SH3RF1: variants seen among roughly 807,000 people sequenced by gnomAD.
SH3RF1 encodes E3 ubiquitin-protein ligase SH3RF1.
A neutral mutation model predicts 74.0 loss-of-function variants in SH3RF1; 32 were observed. The ratio of observed to expected loss-of-function variants is 0.43; its 90% CI spans 0.33 to 0.58. The LOEUF is 0.58. Ranked by LOEUF, SH3RF1 falls within the 20% of genes least tolerant of loss-of-function variation. The pLI is 0.05. For missense variants in SH3RF1, 954 were observed against 1,130.9 expected, an observed-to-expected ratio of 0.84 and a Z score of 2.24; for synonymous variants, 396 against 439.6, an observed-to-expected ratio of 0.90 and a Z score of 1.24.
At chr4:169,213,703 G>A (rs899901873) in intron 2 of SH3RF1, among the ~76,000 whole-genome samples, 4 of 152,150 alleles carry the variant, frequency 2.6e-5, no homozygotes, top group Admixed American at 1.3e-4. Flanking sequence ...AGAGTATAAC[G>A]TCTGTTTCTA....
intron 6 of SH3RF1, among the ~76,000 whole-genome samples, chr4:169,128,155 G>A (rs1478923267): frequency 1.3e-5 from 2 of 152,124 alleles, no homozygotes; most frequent in African/African-American, 4.8e-5. Context: ...ATCATGCAAG[G>A]CACTCATCTG....
chr4:169,103,638 C>T (rs13114954), intron 11 of SH3RF1, among the ~76,000 whole-genome samples: 14,536 of 152,098 alleles, frequency 0.096, 913 homozygotes, highest in South Asian at 0.17. Context: ...ACTTTCATTC[C>T]CAGTGAATAA....
chr4:169,196,432 GGTAACGAT>G (rs1734812756), intron 2 of SH3RF1, among the ~76,000 whole-genome samples: 1 of 152,192 alleles, frequency 6.6e-6, no homozygotes, highest in African/African-American at 2.4e-5. Context: ...GACAATGTTA[GGTAACGAT>G]GTACTATATT....
intron 2 of SH3RF1, among the ~76,000 whole-genome samples, chr4:169,187,615 T>C (rs531898175): frequency 1.3e-5 from 2 of 151,444 alleles, no homozygotes; most frequent in South Asian, 4.2e-4. Context: ...ACTAGAATAA[T>C]CTCCAATAAC....
intron 2 of SH3RF1, among the ~76,000 whole-genome samples, chr4:169,215,316 G>A (rs931497375): frequency 6.6e-6 from 1 of 152,144 alleles, no homozygotes; most frequent in African/African-American, 2.4e-5. Flanking sequence ...TTTGGTCATT[G>A]TGTATAATTC....
intron 2 of SH3RF1, among the ~76,000 whole-genome samples, chr4:169,232,346 C>T (rs1470557578): frequency 6.6e-6 from 1 of 152,184 alleles, no homozygotes; most frequent in Admixed American, 6.5e-5. Context: ...AGTCAGTGAG[C>T]TTTGTGTTTT....
intron 4 of SH3RF1, among the ~76,000 whole-genome samples, chr4:169,144,964 A>G (rs1191577402): frequency 6.6e-6 from 1 of 152,194 alleles, no homozygotes; most frequent in Non-Finnish European, 1.5e-5. Context: ...AGAATCCACA[A>G]GAAGACCTTG....
chr4:169,234,716 C>T (rs72987052), intron 2 of SH3RF1, among the ~76,000 whole-genome samples: 1 of 152,280 alleles, frequency 6.6e-6, no homozygotes, highest in African/African-American at 2.4e-5. Flanking sequence ...CAAGCATCAA[C>T]CTGTATTTTT....
At chr4:169,123,186 A>G (rs1187501038) in intron 6 of SH3RF1, among the ~76,000 whole-genome samples, 1 of 152,240 alleles carries the variant, frequency 6.6e-6, no homozygotes, top group Non-Finnish European at 1.5e-5. Flanking sequence ...CAGCATATTA[A>G]CAAAATAAAG....
intron 5 of SH3RF1, among the ~76,000 whole-genome samples, chr4:169,132,155 T>C (rs905919108): frequency 1.3e-5 from 2 of 152,198 alleles, no homozygotes; most frequent in Non-Finnish European, 2.9e-5. Flanking sequence ...ATGGACACCC[T>C]CCACTGGTAA....
At chr4:169,230,978 G>C (rs1227841860) in intron 2 of SH3RF1, among the ~76,000 whole-genome samples, 1 of 152,058 alleles carries the variant, frequency 6.6e-6, no homozygotes, top group African/African-American at 2.4e-5. Flanking sequence ...GAAAAACAGT[G>C]TCTTGGTCCA....
rs143437686 is a variant in SH3RF1 at position 169,262,511 on chromosome 4, A to G, written c.393+6309T>C. On this transcript the variant is annotated intron_variant, in intron 2 of 11. Coordinates refer to ENST00000284637, the MANE Select transcript of SH3RF1 (RefSeq NM_020870.4). ...GTGAAAACCCACCTCTACTAAAAGT[A>G]CAAAAATTAGCCAGGCATGGCGGTA... Among the ~76,000 whole-genome samples, 377 of 152,262 alleles carry G rather than the reference A, an allele frequency of 2.5e-3. 1 individual carries two copies. The highest frequency in any genetic ancestry group is 3.3e-3 in the Non-Finnish European group (223 of 68,016).
chr4:169,117,357 A>G (rs1164473292), intron 9 of SH3RF1, among the ~76,000 whole-genome samples, 166 bp downstream of exon 9: 2 of 152,240 alleles, frequency 1.3e-5, no homozygotes, highest in Non-Finnish European at 2.9e-5. Context: ...TACGCAGGGC[A>G]CGCTTAGCCC....
chr4:169,241,684 T>C (rs554698099), intron 2 of SH3RF1, among the ~76,000 whole-genome samples: 5 of 152,124 alleles, frequency 3.3e-5, no homozygotes, highest in Non-Finnish European at 7.4e-5. Context: ...CTTTCTAAAA[T>C]GAAAAATAAA....
intron 2 of SH3RF1, among the ~76,000 whole-genome samples, chr4:169,233,544 T>C (rs1730777870): frequency 6.6e-6 from 1 of 152,194 alleles, no homozygotes; most frequent in African/African-American, 2.4e-5. Flanking sequence ...ACTCATTGCA[T>C]TACACTTTAC....
intron 4 of SH3RF1, among the ~76,000 whole-genome samples, chr4:169,148,323 G>A (rs2126960835): frequency 6.6e-6 from 1 of 152,222 alleles, no homozygotes; most frequent in South Asian, 2.1e-4. Context: ...CAAGACATTT[G>A]TCTACAAAAT....
In SH3RF1 at chr4:169,202,931, G is replaced by A. The variant is rs574791935; in HGVS notation, c.394-46252C>T. Among the ~76,000 whole-genome samples the A allele has an allele frequency of 2.0e-5, 3 of 152,232 alleles. No individual in the cohort carries two copies. In the East Asian group the frequency reaches 5.8e-4, roughly 29 times the overall value. On this transcript the variant is annotated intron_variant, in intron 2 of 11. Coordinates refer to ENST00000284637, the MANE Select transcript of SH3RF1 (RefSeq NM_020870.4). ...CAATTTAAAATGTATATATCTAAAG[G>A]AAGAAGACATAGCATTCTGTATCTA...
intron 2 of SH3RF1, among the ~76,000 whole-genome samples, chr4:169,204,883 T>A (rs1730223219): frequency 6.6e-6 from 1 of 151,984 alleles, no homozygotes; most frequent in African/African-American, 2.4e-5. Context: ...AGCTCATATT[T>A]TATCTTGTTT....
intron 2 of SH3RF1, among the ~76,000 whole-genome samples, chr4:169,229,691 G>A (rs545038856): frequency 9.2e-5 from 14 of 152,150 alleles, no homozygotes; most frequent in Non-Finnish European, 1.9e-4. Flanking sequence ...TCTCCACAGA[G>A]TATTACTCAT....
Sources: gnomAD v4.1 joint callset for allele counts (sites outside exome capture counted in the v4.1 genomes callset) on GRCh38, gnomAD v4.1.1 for gene constraint, MANE v1.5 for transcripts, NCBI Gene and HGNC (gene_info 2026-07-23, HGNC 2026-07-21) for gene names.